CACNG2: variants seen among roughly 807,000 people sequenced by gnomAD.
The protein encoded by CACNG2 is calcium voltage-gated channel auxiliary subunit gamma 2.
In CACNG2, 3 loss-of-function variants were observed where a neutral mutation model predicts 25.9. The ratio of observed to expected loss-of-function variants is 0.12; its 90% confidence interval spans 0.05 to 0.30. The LOEUF (loss-of-function observed/expected upper bound fraction) is 0.30, where lower values mean the gene tolerates loss of function less well. CACNG2 is among the 10% of genes least tolerant of loss of function. The pLI, the probability that CACNG2 is intolerant of heterozygous loss-of-function variation, is 1.00. For missense variants in CACNG2, 341 were observed against 432.5 expected (o/e 0.79, Z 1.88); for synonymous variants, 167 against 173.3 (o/e 0.96, Z 0.29).
chr22:36,677,981 G>T (rs1273318748), intron 1 of CACNG2, among the ~76,000 whole-genome samples: 2 of 152,236 alleles, frequency 1.3e-5, no homozygotes, highest in Admixed American at 6.5e-5. Flanking sequence ...CAGCTTGGAA[G>T]CTGCTAAAAT....
At chr22:36,683,964 A>T (rs1937162823) in intron 1 of CACNG2, among the ~76,000 whole-genome samples, 3 of 152,194 alleles carry the variant, frequency 2.0e-5, no homozygotes, top group African/African-American at 7.2e-5. Context: ...AGGCCCTTAC[A>T]GTCCAGGCGA....
intron 1 of CACNG2, among the ~76,000 whole-genome samples, chr22:36,645,812 CTTCCAT>C (rs965374483): frequency 1.6e-4 from 24 of 152,318 alleles, no homozygotes; most frequent in African/African-American, 5.3e-4. Flanking sequence ...CTTCATTCAA[CTTCCAT>C]TTCCATAAAC....
chr22:36,694,472 A>G (rs1453830713), intron 1 of CACNG2, among the ~76,000 whole-genome samples: 1 of 152,196 alleles, frequency 6.6e-6, no homozygotes, highest in Non-Finnish European at 1.5e-5. Flanking sequence ...GAGCACAGTT[A>G]ACATCTCTTA....
intron 1 of CACNG2, among the ~76,000 whole-genome samples, chr22:36,660,998 G>A (rs1160895751): frequency 2.0e-5 from 3 of 152,364 alleles, no homozygotes; most frequent in South Asian, 2.1e-4. Context: ...GGCATTCAGT[G>A]ACTTCTGGCT....
intron 2 of CACNG2, among the ~76,000 whole-genome samples, chr22:36,571,719 A>G (rs1315665613): frequency 6.6e-6 from 1 of 151,838 alleles, no homozygotes; most frequent in East Asian, 1.9e-4. Context: ...TCTACCAAAA[A>G]TAAAAAAATT....
chr22:36,667,309 C>T (rs1008119862), intron 1 of CACNG2, among the ~76,000 whole-genome samples: 1 of 152,170 alleles, frequency 6.6e-6, no homozygotes, highest in African/African-American at 2.4e-5. Context: ...TCACCGTTGT[C>T]CACCCTGGAA....
chr22:36,589,004 C>CTTT (rs1935547821), intron 1 of CACNG2, among the ~76,000 whole-genome samples: 150 of 52,508 alleles, frequency 2.9e-3, no homozygotes, highest in African/African-American at 5.3e-3. Context: ...TTTTTTTTTC[C>CTTT]CCCTGAAATG....
chr22:36,566,018 C>T (rs888671411), intron 3 of CACNG2, among the ~76,000 whole-genome samples: 2 of 152,372 alleles, frequency 1.3e-5, no homozygotes, highest in Non-Finnish European at 2.9e-5. Flanking sequence ...GGTGCCCTCT[C>T]TCCAGCCTCC....
At chr22:36,632,725 T>C (rs1236699919) in intron 1 of CACNG2, among the ~76,000 whole-genome samples, 1 of 152,242 alleles carries the variant, frequency 6.6e-6, no homozygotes, top group Non-Finnish European at 1.5e-5. Context: ...GTTCTCTTCC[T>C]ACCTCACTGG....
chr22:36,599,197 A>C (rs1197735922), intron 1 of CACNG2, among the ~76,000 whole-genome samples: 1 of 152,248 alleles, frequency 6.6e-6, no homozygotes, highest in African/African-American at 2.4e-5. Context: ...AGTGTACAGC[A>C]GTGAAAGTTA....
chr22:36,565,969 G>A (rs1414645732), intron 3 of CACNG2, among the ~76,000 whole-genome samples: 1 of 152,252 alleles, frequency 6.6e-6, no homozygotes, highest in Non-Finnish European at 1.5e-5. Flanking sequence ...CCAAGGTGAA[G>A]CTGAGTATCC....
intron 1 of CACNG2, among the ~76,000 whole-genome samples, chr22:36,701,433 G>A (rs1462954228): frequency 2.6e-5 from 4 of 151,856 alleles, no homozygotes; most frequent in Admixed American, 1.3e-4. Context: ...CCTTTACACC[G>A]TGGCGGCTCC....
intron 2 of CACNG2, among the ~76,000 whole-genome samples, chr22:36,568,954 A>G (rs916247924): frequency 6.6e-6 from 1 of 152,054 alleles, no homozygotes; most frequent in Admixed American, 6.6e-5. Context: ...CTGCTCCTCC[A>G]CAGACCCCAG....
At position 36,636,788 on chromosome 22, in the gene CACNG2, T is replaced by C. The variant is rs926366435; in HGVS notation, c.212-49240A>G. 5.3e-5 allele frequency among the ~76,000 whole-genome samples: 8 copies of C among 152,208 alleles called. No homozygotes were observed. The South Asian group carries it at 6.2e-4, about 12-fold the overall frequency. On this transcript the variant is annotated intron_variant, in intron 1 of 3. Coordinates refer to ENST00000300105, the MANE Select transcript of CACNG2 (RefSeq NM_006078.5). ...AGACATTTAATTTTCTGAATCTCAG[T>C]TGCAATCACAATCCTTACCGACTGC... is the stretch of plus-strand genomic sequence containing the variant.
chr22:36,567,359 C>T (rs1034339328), intron 2 of CACNG2, among the ~76,000 whole-genome samples: 10 of 152,138 alleles, frequency 6.6e-5, no homozygotes, highest in African/African-American at 9.7e-5. Flanking sequence ...AGTTTCTTGT[C>T]TTTATCCTCT....
intron 1 of CACNG2, among the ~76,000 whole-genome samples, chr22:36,685,400 C>T (rs1301545966): frequency 1.3e-5 from 2 of 152,178 alleles, no homozygotes. Context: ...CTTCTGCCCC[C>T]CGTCATCCTT....
Position 36,695,115 on chromosome 22 carries a change from CTGGGGCGGGAGGATCA to C in CACNG2, c.211+7235_211+7250del, listed in dbSNP as rs1281795123. 3.9e-5 allele frequency among the ~76,000 whole-genome samples: 6 copies of C among 152,116 alleles called. No homozygotes were observed. The South Asian group carries it at 6.2e-4, about 16-fold the overall frequency. ...CCTGTCTTCTCAGCTACTTCAAAGA[CTGGGGCGGGAGGATCA>C]CTCGAGCCCTCGAGTTCAAGGCTGC... On this transcript the variant is annotated intron_variant, in intron 1 of 3. Coordinates refer to ENST00000300105, the MANE Select transcript of CACNG2 (RefSeq NM_006078.5).
chr22:36,612,738 C>G (rs371777193), intron 1 of CACNG2, among the ~76,000 whole-genome samples: 29 of 152,318 alleles, frequency 1.9e-4, no homozygotes, highest in African/African-American at 6.7e-4. Context: ...AAACATACCC[C>G]CTCCACCACC....
intron 2 of CACNG2, chr22:36,584,595 T>C (rs1935470345): frequency 1.3e-5 from 2 of 152,222 alleles, no homozygotes; most frequent in African/African-American, 4.8e-5. Context: ...CTGACAATAG[T>C]GCTGGCACTC....
Sources: allele counts gnomAD v4.1 joint callset (sites outside exome capture counted in the v4.1 genomes callset), GRCh38; gene constraint gnomAD v4.1.1; transcripts MANE v1.5; gene names NCBI Gene and HGNC (gene_info 2026-07-23, HGNC 2026-07-21).